PHF3: variants seen among roughly 807,000 people sequenced by gnomAD.
The protein encoded by PHF3 is PHD finger protein 3.
PHF3 carries 41 observed loss-of-function variants against 178.4 expected under a neutral mutation model. The ratio of observed to expected loss-of-function variants is 0.23; its 90% CI spans 0.18 to 0.30. PHF3 has a LOEUF of 0.30. Among genes scored for constraint, PHF3 ranks in the 10% least tolerant of loss-of-function variants. The pLI is 1.00. For synonymous variants in PHF3, 842 were observed against 800.5 expected (o/e 1.05, Z -0.88); for missense variants, 2,346 against 2,398.1 (o/e 0.98, Z 0.45).
intron 9 of PHF3, 48 bp downstream of exon 9, chr6:63,700,514 T>G (rs776040122): frequency 9.7e-7 from 1 of 1,033,000 alleles, no homozygotes; most frequent in Non-Finnish European, 1.5e-6. Flanking sequence ...TCTATGTTTT[T>G]CAGCCATTGG....
chr6:63,688,467 C>G (rs965031897), intron 4 of PHF3, among the ~76,000 whole-genome samples: 1 of 149,206 alleles, frequency 6.7e-6, no homozygotes, highest in African/African-American at 2.5e-5. Flanking sequence ...TCCCAAGTAG[C>G]TGGGATTACG....
chr6:63,715,762 A>C lies in PHF3; in HGVS notation c.*2054A>C, dbSNP rs1050463340. Among the ~76,000 whole-genome samples the C allele has an allele frequency of 1.8e-4, 28 of 152,098 alleles. No individual in the cohort carries two copies. The highest frequency in any genetic ancestry group is 1.8e-3 in the Admixed American group (28 of 15,238). On this transcript the variant is annotated 3_prime_UTR_variant, in exon 16 of 16. Transcript: ENST00000262043. ...GATTGACTGAAACATTTTATGGAGA[A>C]TAGGGAAGGTATGGTCATATTAGCT...
chr6:63,703,052 A>G (rs938034037), intron 10 of PHF3, among the ~76,000 whole-genome samples: 8 of 152,192 alleles, frequency 5.3e-5, no homozygotes, highest in Admixed American at 5.2e-4. Flanking sequence ...TAATTTTTGT[A>G]TTTTTAGTAG....
rs1582132291 is a variant in PHF3 at position 63,713,930 on chromosome 6, T to G, written c.*222T>G. On this transcript the variant is annotated 3_prime_UTR_variant, in exon 16 of 16. Transcript: ENST00000262043. ...CCCTAGTTATAGGAATTTAATATTT[T>G]TAAAAGTTTTACATTGCTGTATATT... The G allele has an allele frequency of 2.6e-6, 1 of 391,288 alleles. No individual in the cohort carries two copies. The highest frequency in any genetic ancestry group is 3.9e-5 in the East Asian group (1 of 25,580). 24.2% of individuals were successfully genotyped at this position (391,288 alleles called of 1,614,324 possible).
At chr6:63,686,480 T>G (rs1370534405) in intron 4 of PHF3, among the ~76,000 whole-genome samples, 1 of 152,214 alleles carries the variant, frequency 6.6e-6, no homozygotes, top group African/African-American at 2.4e-5. Context: ...AAAACGTATT[T>G]CTTTTTTTGA....
chr6:63,699,571 A>C (rs576412139), intron 8 of PHF3, among the ~76,000 whole-genome samples: 1 of 151,878 alleles, frequency 6.6e-6, no homozygotes, highest in Admixed American at 6.6e-5. Flanking sequence ...GCAATTAAAT[A>C]AAGATTTATT....
chr6:63,699,370 T>A (rs1767374560), intron 8 of PHF3, among the ~76,000 whole-genome samples: 1 of 152,196 alleles, frequency 6.6e-6, no homozygotes, highest in South Asian at 2.1e-4. Context: ...AGAATGTGAT[T>A]AGATGCAACC....
chr6:63,696,139 A>G (rs1767219341), intron 6 of PHF3, among the ~76,000 whole-genome samples: 1 of 152,198 alleles, frequency 6.6e-6, no homozygotes, highest in South Asian at 2.1e-4. Context: ...CTCCACTGGT[A>G]AGTACAATGC....
Position 63,712,057 on chromosome 6 carries a change from A to G in PHF3, c.4469A>G (p.Gln1490Arg). Residue 1490 changes from glutamine to arginine, a missense_variant, in exon 16 of 16, where the codon CAA (glutamine) becomes CGA (arginine). Physicochemically the swap from Gln to Arg is conservative, Grantham distance 43 (BLOSUM62 1). Around this residue, in one of 8 missense-constraint regions of PHF3, gnomAD observed 839 missense variants for 806.9 expected, o/e 1.04. Transcript: ENST00000262043. ...VYDQAQSVME[Q>R]NTVKEIPFLN... ...GACCAGGCCCAGTCAGTGATGGAAC[A>G]AAACACTGTTAAAGAAATTCCATTT... 1.2e-6 allele frequency: 2 copies of G among 1,613,798 alleles called. No individual in the cohort carries two copies. Among genetic ancestry groups the G allele is most frequent in the South Asian group, 2.2e-5 (2 of 91,088 alleles).
At chr6:63,672,741 A>G (rs1034456322) in intron 2 of PHF3, among the ~76,000 whole-genome samples, 2 of 152,318 alleles carry the variant, frequency 1.3e-5, no homozygotes, top group Admixed American at 1.3e-4. Context: ...TTAACAGCAG[A>G]CAGATTAGAA....
chr6:63,712,026 G>T lies in PHF3; in HGVS notation c.4438G>T (p.Val1480Leu), dbSNP rs1767949856. Reference protein sequence around the residue: ...LQSLLGTTGQVYDQAQSVMEQ... With the variant: ...LQSLLGTTGQLYDQAQSVMEQ... Reference sequence around the variant, plus strand: ...AAGCCTTTTGGGCACCACTGGTCAAGTATATGACCAGGCCCAGTCAGTGAT... The same window carrying T: ...AAGCCTTTTGGGCACCACTGGTCAATTATATGACCAGGCCCAGTCAGTGAT... Residue 1480 changes from valine to leucine, a missense_variant, in exon 16 of 16, where the codon GTA becomes TTA. Physicochemically the swap from Val to Leu is conservative, Grantham distance 32. Around this residue, in one of 8 missense-constraint regions of PHF3, gnomAD observed 839 missense variants for 806.9 expected, o/e 1.04. Transcript: ENST00000262043. The T allele has an allele frequency of 2.5e-6, 4 of 1,613,566 alleles. No homozygotes were observed. Among genetic ancestry groups the T allele is most frequent in the Non-Finnish European group, 2.5e-6 (3 of 1,179,762 alleles).
intron 12 of PHF3, 103 bp downstream of exon 12, chr6:63,706,327 C>A: frequency 1.2e-6 from 1 of 816,948 alleles, no homozygotes; most frequent in Non-Finnish European, 1.9e-6. Context: ...GGGAACCTCT[C>A]ATTTGAGAAA....
chr6:63,636,342 C>T (rs928877746), intron 1 of PHF3, 192 bp downstream of exon 1: 1 of 163,514 alleles, frequency 6.1e-6, no homozygotes, highest in Non-Finnish European at 1.3e-5. Context: ...TGGGCCGCGC[C>T]GCTGGCGCCT....
At chr6:63,637,355 C>T (rs895870701) in intron 1 of PHF3, among the ~76,000 whole-genome samples, 3 of 152,028 alleles carry the variant, frequency 2.0e-5, no homozygotes, top group African/African-American at 7.3e-5. Flanking sequence ...TTTTTCGATT[C>T]CTGAATGAAG....
Position 63,709,764 on chromosome 6 carries a change from A to T in PHF3, c.3801+524A>T, listed in dbSNP as rs193069729. Among the ~76,000 whole-genome samples the T allele has an allele frequency of 1.3e-3, 204 of 152,284 alleles. 1 individual carries two copies. The highest frequency in any genetic ancestry group is 4.7e-3 in the African/African-American group (197 of 41,578). On this transcript the variant is annotated intron_variant, in intron 14 of 15. Coordinates refer to ENST00000262043, the MANE Select transcript of PHF3 (RefSeq NM_001370348.2). ...ACATAGCCATCCATACATAGCTGCT[A>T]GGGAGGCTGGGAAATGTAATCTTTA...
chr6:63,693,120 C>T (rs1250514232), intron 5 of PHF3, among the ~76,000 whole-genome samples: 1 of 152,134 alleles, frequency 6.6e-6, no homozygotes, highest in African/African-American at 2.4e-5. Flanking sequence ...TTGATTTGAT[C>T]ATCAAAGTAA....
At chr6:63,674,597 G>C (rs1396578270) in intron 2 of PHF3, among the ~76,000 whole-genome samples, 1 of 152,006 alleles carries the variant, frequency 6.6e-6, no homozygotes, top group Non-Finnish European at 1.5e-5. Context: ...GGGTGGTCAA[G>C]TAGAGACTGG....
At chr6:63,652,119 G>T (rs1401927222) in intron 2 of PHF3, among the ~76,000 whole-genome samples, 1 of 152,184 alleles carries the variant, frequency 6.6e-6, no homozygotes, top group Middle Eastern at 3.2e-3. Context: ...ACTTCCATAT[G>T]TTTTCCATAA....
chr6:63,693,110 T>TTTTGA (rs1195493251), intron 5 of PHF3, among the ~76,000 whole-genome samples: 1 of 152,248 alleles, frequency 6.6e-6, no homozygotes, highest in East Asian at 1.9e-4. Context: ...TATTACTTTG[T>TTTTGA]TGATTTGATC....
Sources: allele counts gnomAD v4.1 joint callset (sites outside exome capture counted in the v4.1 genomes callset), GRCh38; gene constraint gnomAD v4.1.1; regional missense constraint gnomAD v4.1.1; transcripts MANE v1.5; gene names NCBI Gene and HGNC (gene_info 2026-07-23, HGNC 2026-07-21).